SORCS1: variants seen among roughly 807,000 people sequenced by gnomAD.
SORCS1 encodes the protein VPS10 domain-containing receptor SorCS1.
SORCS1 carries 60 observed loss-of-function variants against 146.1 expected under a neutral mutation model. The ratio of observed to expected loss-of-function variants is 0.41; its 90% CI spans 0.33 to 0.51. The LOEUF (loss-of-function observed/expected upper bound fraction) is 0.51. SORCS1 is among the 20% of genes least tolerant of loss of function. The pLI, the probability that SORCS1 is intolerant of heterozygous loss-of-function variation, is 0.21. For missense variants in SORCS1, 1,352 were observed against 1,487.6 expected, an observed-to-expected ratio of 0.91 and a Z score of 1.50; for synonymous variants, 637 against 584.0, an observed-to-expected ratio of 1.09 and a Z score of -1.31.
chr10:106,951,712 C>T (rs1298489466), intron 2 of SORCS1, among the ~76,000 whole-genome samples: 3 of 152,114 alleles, frequency 2.0e-5, no homozygotes, highest in African/African-American at 4.8e-5. Context: ...GTCTGTTGTG[C>T]TCACTGCTCT....
chr10:106,840,580 G>A (rs1948980817), intron 2 of SORCS1, among the ~76,000 whole-genome samples: 1 of 152,040 alleles, frequency 6.6e-6, no homozygotes, highest in African/African-American at 2.4e-5. Context: ...ATAAAGTAAT[G>A]GCAGGATGTG....
chr10:107,151,945 C>T (rs1233530469), intron 1 of SORCS1, among the ~76,000 whole-genome samples: 3 of 152,152 alleles, frequency 2.0e-5, no homozygotes, highest in African/African-American at 7.2e-5. Context: ...CAGGGCATGT[C>T]AGAGACCTTC....
At chr10:106,997,343 T>G (rs1220775338) in intron 1 of SORCS1, among the ~76,000 whole-genome samples, 2 of 152,208 alleles carry the variant, frequency 1.3e-5, no homozygotes, top group Non-Finnish European at 2.9e-5. Flanking sequence ...CAACTCATTT[T>G]CCCATGCTTG....
At chr10:106,932,477 C>T (rs1474268953) in intron 2 of SORCS1, among the ~76,000 whole-genome samples, 1 of 152,082 alleles carries the variant, frequency 6.6e-6, no homozygotes, top group Admixed American at 6.5e-5. Flanking sequence ...TACCTTGCTG[C>T]CTTAGAGTGA....
intron 24 of SORCS1, among the ~76,000 whole-genome samples, chr10:106,589,344 T>C (rs1262287172): frequency 6.6e-6 from 1 of 152,054 alleles, no homozygotes; most frequent in African/African-American, 2.4e-5. Context: ...CTTAGAAGAG[T>C]CAACAGGTTT....
At chr10:106,918,910 C>T (rs1223139567) in intron 2 of SORCS1, among the ~76,000 whole-genome samples, 1 of 152,008 alleles carries the variant, frequency 6.6e-6, no homozygotes, top group African/African-American at 2.4e-5. Context: ...GATCTTGGCT[C>T]ACTGCAGTCT....
intron 1 of SORCS1, among the ~76,000 whole-genome samples, chr10:107,010,768 C>G (rs1243680533): frequency 6.6e-6 from 1 of 152,188 alleles, no homozygotes; most frequent in African/African-American, 2.4e-5. Context: ...TCATAAGCAG[C>G]TTCCAATGGA....
Position 106,806,808 on chromosome 10 carries a change from C to T in SORCS1, c.726+22766G>A, listed in dbSNP as rs140311797. On this transcript the variant is annotated intron_variant, in intron 3 of 25. Transcript: ENST00000263054. ...GGGATTACAGGCGTGAGCCACCGCA[C>T]CCGGAGGAGAGGAAGCCTTTCAAAT... Among the ~76,000 whole-genome samples the T allele has an allele frequency of 1.2e-3, 176 of 152,136 alleles. 2 individuals are homozygous for T. The highest frequency in any genetic ancestry group is 4.0e-3 in the African/African-American group (167 of 41,522).
intron 2 of SORCS1, among the ~76,000 whole-genome samples, chr10:106,944,109 C>T (rs1392717554): frequency 6.6e-6 from 1 of 152,202 alleles, no homozygotes; most frequent in Non-Finnish European, 1.5e-5. Context: ...CTTCTTGTTT[C>T]ACTGACTACT....
At chr10:106,859,877 T>G (rs1002243626) in intron 2 of SORCS1, among the ~76,000 whole-genome samples, 1 of 152,248 alleles carries the variant, frequency 6.6e-6, no homozygotes, top group African/African-American at 2.4e-5. Flanking sequence ...GCATTTATGC[T>G]TACTCTTCTG....
chr10:106,620,308 T>C, intron 20 of SORCS1, 120 bp downstream of exon 20: 2 of 1,304,648 alleles, frequency 1.5e-6, no homozygotes, highest in Admixed American at 2.5e-5. Context: ...GAGCTTGTTG[T>C]CCTTGAAGCT....
chr10:106,959,466 T>C (rs1331106538), intron 1 of SORCS1, among the ~76,000 whole-genome samples: 1 of 152,204 alleles, frequency 6.6e-6, no homozygotes, highest in African/African-American at 2.4e-5. Flanking sequence ...GATGCATCCT[T>C]ATGTTAGATA....
intron 1 of SORCS1, among the ~76,000 whole-genome samples, chr10:107,068,457 T>C (rs1234345987): frequency 2.0e-5 from 3 of 152,158 alleles, no homozygotes; most frequent in African/African-American, 7.2e-5. Flanking sequence ...GGTACTAACA[T>C]GGTTAGTCTT....
At chr10:106,948,822 G>A (rs993768854) in intron 2 of SORCS1, among the ~76,000 whole-genome samples, 20 of 152,000 alleles carry the variant, frequency 1.3e-4, no homozygotes, top group Admixed American at 2.0e-4. Flanking sequence ...TTAGCTGGGC[G>A]TGGTGGCAGG....
At chr10:107,025,885 T>A (rs1297375001) in intron 1 of SORCS1, among the ~76,000 whole-genome samples, 2 of 152,170 alleles carry the variant, frequency 1.3e-5, no homozygotes, top group Admixed American at 6.5e-5. Context: ...GCAAAGGGAT[T>A]GCTGAAATAA....
the SORCS1 span, among the ~76,000 whole-genome samples, chr10:107,173,206 C>T: frequency 1.3e-5 from 2 of 152,266 alleles, no homozygotes; most frequent in African/African-American, 2.4e-5. Flanking sequence ...TCAGTTTGTA[C>T]TCTTGTGTCT....
At chr10:106,838,283 T>C (rs566643677) in intron 2 of SORCS1, among the ~76,000 whole-genome samples, 1 of 152,302 alleles carries the variant, frequency 6.6e-6, no homozygotes, top group South Asian at 2.1e-4. Context: ...ATAACCTTGA[T>C]TTTTAGAGCA....
At chr10:106,849,597 T>C (rs1949458508) in intron 2 of SORCS1, among the ~76,000 whole-genome samples, 1 of 151,536 alleles carries the variant, frequency 6.6e-6, no homozygotes, top group South Asian at 2.1e-4. Context: ...GTCAAAATCA[T>C]TCTCCATCCA....
chr10:107,099,834 T>G lies in SORCS1; in HGVS notation c.558+64135A>C, dbSNP rs550146290. ...GCCTACTATGTGCCAGGCATTGTACTTGAAGTAAGAGATTAATTAGCAAAA... is the reference window on the plus strand; with the variant it reads ...GCCTACTATGTGCCAGGCATTGTACGTGAAGTAAGAGATTAATTAGCAAAA... On this transcript the variant is annotated intron_variant, in intron 1 of 25. Transcript: ENST00000263054. Among the ~76,000 whole-genome samples the G allele has an allele frequency of 3.9e-5, 6 of 152,360 alleles. No individual in the cohort carries two copies. In the South Asian group the frequency reaches 1.2e-3, roughly 32 times the overall value.
Sources: allele counts gnomAD v4.1 joint callset (sites outside exome capture counted in the v4.1 genomes callset), GRCh38; gene constraint gnomAD v4.1.1; transcripts MANE v1.5; gene names NCBI Gene and HGNC (gene_info 2026-07-23, HGNC 2026-07-21).